The following PITPNC1 variants were observed in gnomAD, a reference collection of about 807,000 sequenced individuals.
PITPNC1 encodes the protein cytoplasmic phosphatidylinositol transfer protein 1.
A neutral mutation model predicts 44.7 loss-of-function variants in PITPNC1; 18 were observed. The ratio of observed to expected loss-of-function variants is 0.40; its 90% CI spans 0.28 to 0.60. The LOEUF is 0.60. PITPNC1 is among the 20% of genes least tolerant of loss of function. The pLI, the probability that PITPNC1 is intolerant of heterozygous loss-of-function variation, is 0.39. For synonymous variants in PITPNC1, 141 were observed against 149.6 expected (o/e 0.94, Z 0.42); for missense variants, 290 against 418.4 (o/e 0.69, Z 2.68).
intron 1 of PITPNC1, among the ~76,000 whole-genome samples, chr17:67,519,613 T>C (rs2040301285): frequency 6.6e-6 from 1 of 152,186 alleles, no homozygotes; most frequent in African/African-American, 2.4e-5. Flanking sequence ...CTGCTTCTTT[T>C]TACCAAGGAG....
chr17:67,595,537 T>A (rs2041449636), intron 5 of PITPNC1, among the ~76,000 whole-genome samples: 1 of 152,000 alleles, frequency 6.6e-6, no homozygotes. Flanking sequence ...ATGGACATGA[T>A]TTCAAAGCAA....
intron 8 of PITPNC1, among the ~76,000 whole-genome samples, chr17:67,692,222 C>G (rs2042940449): frequency 6.6e-6 from 1 of 152,122 alleles, no homozygotes; most frequent in Non-Finnish European, 1.5e-5. Flanking sequence ...CCCACAACAA[C>G]ACAGATGCAC....
At chr17:67,476,139 A>G (rs1332511981) in intron 1 of PITPNC1, among the ~76,000 whole-genome samples, 4 of 151,340 alleles carry the variant, frequency 2.6e-5, no homozygotes, top group Non-Finnish European at 5.9e-5. Context: ...ACACATCCCC[A>G]CATTTCTGAT....
Position 67,451,652 on chromosome 17 carries a change from T to TTTTG in PITPNC1, c.48+73453_48+73454insGTTT, listed in dbSNP as rs1567994946. Among the ~76,000 whole-genome samples, 12 of 150,744 alleles carry TTTTG rather than the reference T, an allele frequency of 8.0e-5. No homozygotes were observed. In the South Asian group the frequency reaches 1.9e-3, roughly 24 times the overall value. ...ACCTTTTTTTTTTTTGTTTTGTTTTTTTTTGAGACAGAGTCTCGCTCTGTC... is the reference window on the plus strand; with the variant it reads ...ACCTTTTTTTTTTTTGTTTTGTTTTTTTTGTTTTGAGACAGAGTCTCGCTCTGTC... On this transcript the variant is annotated intron_variant, in intron 1 of 8. Transcript: ENST00000581322.
chr17:67,554,334 A>G (rs1257181605), intron 4 of PITPNC1, among the ~76,000 whole-genome samples: 1 of 148,040 alleles, frequency 6.8e-6, no homozygotes, highest in Non-Finnish European at 1.5e-5. Context: ...TTGGCTCAAC[A>G]GAAACTTTCA....
intron 4 of PITPNC1, among the ~76,000 whole-genome samples, chr17:67,557,382 C>T (rs2040852627): frequency 6.6e-6 from 1 of 152,146 alleles, no homozygotes; most frequent in African/African-American, 2.4e-5. Context: ...ATAGTATGCT[C>T]CTTCCAGGAC....
At chr17:67,427,735 A>G (rs2038792498) in intron 1 of PITPNC1, among the ~76,000 whole-genome samples, 2 of 152,248 alleles carry the variant, frequency 1.3e-5, no homozygotes, top group Admixed American at 1.3e-4. Context: ...ACAAAACTCC[A>G]GGCAAATACA....
intron 4 of PITPNC1, among the ~76,000 whole-genome samples, chr17:67,554,843 G>C (rs1264739158): frequency 6.6e-6 from 1 of 152,172 alleles, no homozygotes; most frequent in Non-Finnish European, 1.5e-5. Flanking sequence ...TAAGCGACTG[G>C]CTCCCAACTG....
intron 8 of PITPNC1, among the ~76,000 whole-genome samples, chr17:67,692,311 A>C (rs1011788280): frequency 6.6e-6 from 1 of 152,144 alleles, no homozygotes. Context: ...GTCCTTATTG[A>C]GAATACTTAA....
chr17:67,466,965 A>G (rs140198642), intron 1 of PITPNC1, among the ~76,000 whole-genome samples: 1,836 of 152,072 alleles, frequency 0.012, 33 homozygotes, highest in African/African-American at 0.042. Context: ...CAAAATAATA[A>G]CTGGGCATTC....
At chr17:67,521,016 ACT>A (rs2040318838) in intron 1 of PITPNC1, among the ~76,000 whole-genome samples, 1 of 152,090 alleles carries the variant, frequency 6.6e-6, no homozygotes, top group Non-Finnish European at 1.5e-5. Flanking sequence ...ATATACATGC[ACT>A]CTTACTTGCA....
intron 1 of PITPNC1, among the ~76,000 whole-genome samples, chr17:67,505,430 T>C (rs35478523): frequency 6.6e-6 from 1 of 152,392 alleles, no homozygotes; most frequent in South Asian, 2.1e-4. Flanking sequence ...TTTATCATTG[T>C]ATCTTCCTAA....
At chr17:67,636,560 G>A (rs1241688670) in intron 6 of PITPNC1, among the ~76,000 whole-genome samples, 1 of 152,146 alleles carries the variant, frequency 6.6e-6, no homozygotes, top group Non-Finnish European at 1.5e-5. Context: ...TTCCTCCTCC[G>A]TGGACCTGGC....
intron 5 of PITPNC1, among the ~76,000 whole-genome samples, chr17:67,592,302 C>G (rs578015204): frequency 6.6e-6 from 1 of 151,898 alleles, no homozygotes; most frequent in South Asian, 2.1e-4. Flanking sequence ...ATTAAGGTAC[C>G]CAAGAACAAA....
intron 7 of PITPNC1, among the ~76,000 whole-genome samples, chr17:67,671,931 T>G (rs1343380882): frequency 6.6e-6 from 1 of 150,444 alleles, no homozygotes; most frequent in Non-Finnish European, 1.5e-5. Context: ...CATAGTATTA[T>G]TTTGTTTTGT....
At chr17:67,543,970 C>A (rs1174380024) in intron 2 of PITPNC1, among the ~76,000 whole-genome samples, 1 of 152,210 alleles carries the variant, frequency 6.6e-6, no homozygotes, top group East Asian at 1.9e-4. Flanking sequence ...CCCGCCTCAG[C>A]CTCCTGAGTA....
At chr17:67,687,394 G>C (rs754833933) in intron 8 of PITPNC1, among the ~76,000 whole-genome samples, 3 of 152,124 alleles carry the variant, frequency 2.0e-5, no homozygotes, top group South Asian at 2.1e-4. Flanking sequence ...TGCTTGACGT[G>C]GAGGTTATTT....
At chr17:67,440,344 G>A (rs2038995558) in intron 1 of PITPNC1, among the ~76,000 whole-genome samples, 1 of 151,926 alleles carries the variant, frequency 6.6e-6, no homozygotes, top group Admixed American at 6.6e-5. Context: ...AGATCATCTA[G>A]ACCTCAAAAG....
At position 67,470,916 on chromosome 17, in the gene PITPNC1, C is replaced by T. The variant is rs1428509972; in HGVS notation, c.49-61886C>T. ...CTGTGACCTTACCCCCAACCCTGTG[C>T]TCTCTGAAACATGTGCTGTGTCCAC... On this transcript the variant is annotated intron_variant, in intron 1 of 8. Transcript: ENST00000581322. Among the ~76,000 whole-genome samples the T allele has an allele frequency of 7.6e-4, 100 of 130,928 alleles. 1 individual carries two copies. In the East Asian group the frequency reaches 0.015, roughly 19 times the overall value. 85.9% of individuals were successfully genotyped at this position (130,928 alleles called of 152,430 possible).
Sources: gnomAD v4.1 joint callset for allele counts (sites outside exome capture counted in the v4.1 genomes callset) on GRCh38, gnomAD v4.1.1 for gene constraint, MANE v1.5 for transcripts, NCBI Gene and HGNC (gene_info 2026-07-23, HGNC 2026-07-21) for gene names.